AAMDC: variants seen among roughly 807,000 people sequenced by gnomAD.
AAMDC encodes the protein mth938 domain-containing protein.
AAMDC carries 16 observed loss-of-function variants against 15.5 expected under a neutral mutation model. That is an observed-to-expected ratio of 1.03 (90% CI 0.70 to 1.57). AAMDC has a LOEUF of 1.57. Among genes scored for constraint, AAMDC ranks in the 40% most tolerant of loss-of-function variants. AAMDC has a pLI of 0.00. For synonymous variants in AAMDC, 51 were observed against 51.6 expected (o/e 0.99, Z 0.05); for missense variants, 141 against 144.9 (o/e 0.97, Z 0.14).
At chr11:77,864,649 T>C (rs1386168179) in intron 2 of AAMDC, among the ~76,000 whole-genome samples, 2 of 152,136 alleles carry the variant, frequency 1.3e-5, no homozygotes, top group African/African-American at 2.4e-5. Context: ...TTGTCTCCTA[T>C]CTCATGTACA....
At chr11:77,859,414 G>C (rs1373220671) in intron 2 of AAMDC, among the ~76,000 whole-genome samples, 1 of 152,160 alleles carries the variant, frequency 6.6e-6, no homozygotes, top group East Asian at 1.9e-4. Flanking sequence ...ATGGCTTCCT[G>C]ATGTTTGATA....
At chr11:77,821,667 A>G (rs1220268839) in intron 1 of AAMDC, among the ~76,000 whole-genome samples, 1 of 151,886 alleles carries the variant, frequency 6.6e-6, no homozygotes, top group Non-Finnish European at 1.5e-5. Flanking sequence ...GAGGCGGAAC[A>G]TGACAGGAGA....
intron 2 of AAMDC, among the ~76,000 whole-genome samples, chr11:77,866,918 G>A (rs1388129400): frequency 6.6e-6 from 1 of 151,764 alleles, no homozygotes; most frequent in African/African-American, 2.4e-5. Flanking sequence ...TCAGCTCACT[G>A]CAACCTCCAC....
intron 1 of AAMDC, among the ~76,000 whole-genome samples, chr11:77,832,753 A>G (rs1348887581): frequency 6.6e-6 from 1 of 151,102 alleles, no homozygotes; most frequent in Non-Finnish European, 1.5e-5. Flanking sequence ...GCCTGCTGAA[A>G]TTTTTTGTAT....
intron 1 of AAMDC, among the ~76,000 whole-genome samples, chr11:77,823,916 TAAA>T (rs557186061): frequency 1.5e-5 from 2 of 133,748 alleles, no homozygotes; most frequent in Non-Finnish European, 1.6e-5. Context: ...AATAACATTC[TAAA>T]AAAAAAAAAA....
At chr11:77,824,433 G>A (rs1949076425) in intron 1 of AAMDC, among the ~76,000 whole-genome samples, 3 of 152,120 alleles carry the variant, frequency 2.0e-5, no homozygotes, top group Admixed American at 6.5e-5. Context: ...CTATTAGGGG[G>A]AAATATTTTG....
intron 2 of AAMDC, among the ~76,000 whole-genome samples, chr11:77,852,224 C>CAAAAAAAAAAAA (rs545742213): frequency 4.8e-4 from 16 of 33,488 alleles, no homozygotes; most frequent in East Asian, 1.9e-3. Context: ...GACACTGTCT[C>CAAAAAAAAAAAA]AAAAAAAAAA....
chr11:77,872,501 G>T, downstream of AAMDC: 3 of 558,996 alleles, frequency 5.4e-6, no homozygotes. Context: ...AAGAAAAAAA[G>T]ATGAGACAGA....
chr11:77,892,173 A>T (rs1487501638), intron 5 of AAMDC, among the ~76,000 whole-genome samples: 1 of 152,188 alleles, frequency 6.6e-6, no homozygotes, highest in African/African-American at 2.4e-5. Context: ...CATTTTTAAG[A>T]CCTACGAAGC....
intron 5 of AAMDC, among the ~76,000 whole-genome samples, chr11:77,900,053 T>A (rs1470012723): frequency 1.3e-5 from 2 of 152,042 alleles, no homozygotes. Context: ...CAGCTATAAC[T>A]GGCACATAGT....
intron 1 of AAMDC, among the ~76,000 whole-genome samples, chr11:77,822,414 CAA>C (rs66463325): frequency 2.7e-5 from 2 of 74,782 alleles, no homozygotes; most frequent in Non-Finnish European, 2.6e-5. Flanking sequence ...GACTCCACCT[CAA>C]AAAAAAAAAA....
At chr11:77,849,954 A>T (rs970727441) in intron 2 of AAMDC, among the ~76,000 whole-genome samples, 1 of 152,122 alleles carries the variant, frequency 6.6e-6, no homozygotes, top group Admixed American at 6.5e-5. Context: ...AGCACAGTTC[A>T]CTTGTATTAT....
chr11:77,843,428 C>T (rs1393327275), intron 2 of AAMDC, among the ~76,000 whole-genome samples: 4 of 152,110 alleles, frequency 2.6e-5, no homozygotes, highest in Non-Finnish European at 4.4e-5. Flanking sequence ...GCACTAAAGT[C>T]CTGCTCCTCC....
At chr11:77,885,880 T>C (rs2136370073) in intron 5 of AAMDC, among the ~76,000 whole-genome samples, 1 of 151,740 alleles carries the variant, frequency 6.6e-6, no homozygotes, top group African/African-American at 2.4e-5. Flanking sequence ...GCAATGATCA[T>C]GGGAAAAACA....
At chr11:77,832,949 ATATGTGTGTGTGTGTGTGTG>A (rs1402849080) in intron 1 of AAMDC, among the ~76,000 whole-genome samples, 2 of 96,292 alleles carry the variant, frequency 2.1e-5, no homozygotes, top group African/African-American at 9.5e-5. Flanking sequence ...TTGTATATAT[ATATGTGTGTGTGTGTGTGTG>A]TGTGTGTGTG....
intron 2 of AAMDC, among the ~76,000 whole-genome samples, chr11:77,853,784 T>C (rs903062212): frequency 6.6e-6 from 1 of 151,578 alleles, no homozygotes; most frequent in African/African-American, 2.4e-5. Flanking sequence ...CTACTAAAAA[T>C]ATAAAAATTA....
intron 5 of AAMDC, chr11:77,884,020 T>A: frequency 6.5e-7 from 1 of 1,527,094 alleles, no homozygotes; most frequent in East Asian, 2.3e-5. Flanking sequence ...GATGATGACA[T>A]CTGTTGTGAA....
At chr11:77,826,926 G>A (rs1949202725) in intron 1 of AAMDC, among the ~76,000 whole-genome samples, 1 of 152,120 alleles carries the variant, frequency 6.6e-6, no homozygotes, top group Non-Finnish European at 1.5e-5. Flanking sequence ...CCAACATAGT[G>A]AAACACCATC....
At chr11:77,870,370 T>A (rs2032415) in intron 3 of AAMDC, among the ~76,000 whole-genome samples, 17,537 of 143,512 alleles carry the variant, frequency 0.12, 1,259 homozygotes, top group Admixed American at 0.18. Flanking sequence ...CGGAGTCTTG[T>A]TCTGTCGCCC....
Sources: allele counts gnomAD v4.1 joint callset (sites outside exome capture counted in the v4.1 genomes callset), GRCh38; gene constraint gnomAD v4.1.1; transcripts MANE v1.5; gene names NCBI Gene and HGNC (gene_info 2026-07-23, HGNC 2026-07-21).